The following FBXL17 variants were observed in gnomAD, a reference collection of about 807,000 sequenced individuals.
FBXL17 encodes the protein F-box/LRR-repeat protein 17.
FBXL17 carries 22 observed loss-of-function variants against 66.2 expected under a neutral mutation model. That is an observed-to-expected ratio of 0.33 (90% CI 0.24 to 0.47). The LOEUF (loss-of-function observed/expected upper bound fraction) is 0.47, where lower values mean the gene tolerates loss of function less well. Among genes scored for constraint, FBXL17 ranks in the 20% least tolerant of loss-of-function variants. The pLI, the probability that FBXL17 is intolerant of heterozygous loss-of-function variation, is 1.00. For missense variants in FBXL17, 878 were observed against 948.2 expected (o/e 0.93, Z 0.97); for synonymous variants, 474 against 400.5 (o/e 1.18, Z -2.19).
intron 4 of FBXL17, among the ~76,000 whole-genome samples, chr5:108,238,574 A>C (rs1755709275): frequency 6.6e-6 from 1 of 152,108 alleles, no homozygotes; most frequent in South Asian, 2.1e-4. Flanking sequence ...GCAGTGGTGC[A>C]ATCACAGCTC....
chr5:108,084,371 C>T (rs1274335412), intron 6 of FBXL17, among the ~76,000 whole-genome samples: 1 of 152,206 alleles, frequency 6.6e-6, no homozygotes, highest in South Asian at 2.1e-4. Flanking sequence ...ATCTACCAAT[C>T]GGTTTGCTCT....
chr5:108,023,524 G>A (rs1034221330), intron 6 of FBXL17, among the ~76,000 whole-genome samples: 6 of 152,200 alleles, frequency 3.9e-5, no homozygotes, highest in African/African-American at 9.6e-5. Flanking sequence ...CACCTATGTC[G>A]CGTTTCCCTG....
At chr5:108,176,725 T>C (rs1752807140) in intron 6 of FBXL17, among the ~76,000 whole-genome samples, 1 of 152,070 alleles carries the variant, frequency 6.6e-6, no homozygotes, top group South Asian at 2.1e-4. Context: ...AAGTAGTATT[T>C]CCTTAAAAAT....
chr5:108,322,169 A>C (rs1468486176), intron 4 of FBXL17, among the ~76,000 whole-genome samples: 1 of 151,912 alleles, frequency 6.6e-6, no homozygotes, highest in Non-Finnish European at 1.5e-5. Context: ...GGGCCTGTAC[A>C]CTCTGACTCA....
chr5:107,868,429 T>C (rs1391224452), intron 8 of FBXL17, among the ~76,000 whole-genome samples: 1 of 152,218 alleles, frequency 6.6e-6, no homozygotes, highest in Non-Finnish European at 1.5e-5. Context: ...CAGTCTGTTG[T>C]GGAGCTGTGG....
intron 7 of FBXL17, among the ~76,000 whole-genome samples, chr5:107,979,440 C>T (rs1278171744): frequency 6.6e-6 from 1 of 152,136 alleles, no homozygotes. Flanking sequence ...ATCCACCTAC[C>T]CATTAGTGCC....
intron 4 of FBXL17, among the ~76,000 whole-genome samples, chr5:108,292,100 A>T (rs920422785): frequency 6.6e-6 from 1 of 152,056 alleles, no homozygotes; most frequent in African/African-American, 2.4e-5. Flanking sequence ...ATAAAAGCCA[A>T]AATTGTTAAC....
intron 1 of FBXL17, among the ~76,000 whole-genome samples, chr5:108,372,808 G>A (rs1442098672): frequency 6.6e-6 from 1 of 152,188 alleles, no homozygotes; most frequent in East Asian, 1.9e-4. Flanking sequence ...GGATCAGACA[G>A]TGGCTTAAAA....
rs920200262 is a variant in FBXL17, at chr5:108,382,031, G to T, written c.-340C>A. The stretch of plus-strand genomic sequence containing the variant: ...TCAGTCAGTCAGCGGAGCGGCCGGG[G>T]AAAGGCCGGGTCCCGCTCGGACCAT... On this transcript the variant is annotated 5_prime_UTR_variant, in exon 1 of 9. Transcript: ENST00000542267. 1 of 1,024,140 alleles carries T rather than the reference G, an allele frequency of 9.8e-7. No individual in the cohort carries two copies. Among genetic ancestry groups the T allele is most frequent in the Non-Finnish European group, 1.2e-6 (1 of 831,156 alleles). 63.4% of individuals were successfully genotyped at this position (1,024,140 alleles called of 1,614,324 possible).
intron 7 of FBXL17, among the ~76,000 whole-genome samples, chr5:107,996,400 T>C (rs911738621): frequency 6.6e-6 from 1 of 152,174 alleles, no homozygotes; most frequent in African/African-American, 2.4e-5. Flanking sequence ...CTGCAGCCTC[T>C]GCCTCCTGGG....
intron 5 of FBXL17, among the ~76,000 whole-genome samples, chr5:108,193,821 C>T (rs1449517291): frequency 6.6e-6 from 1 of 152,110 alleles, no homozygotes; most frequent in African/African-American, 2.4e-5. Context: ...TTCTCTTTCA[C>T]CCACTGCCTT....
intron 6 of FBXL17, among the ~76,000 whole-genome samples, chr5:108,052,112 C>CAAAAAA (rs144705189): frequency 2.8e-4 from 29 of 102,152 alleles, no homozygotes; most frequent in Admixed American, 5.7e-4. Context: ...GACTTCGTCT[C>CAAAAAA]AAAAAAAAAA....
At chr5:108,246,589 T>C (rs1756107445) in intron 4 of FBXL17, among the ~76,000 whole-genome samples, 1 of 152,230 alleles carries the variant, frequency 6.6e-6, no homozygotes, top group African/African-American at 2.4e-5. Context: ...GGACTGGATT[T>C]GAATCAATCA....
intron 4 of FBXL17, among the ~76,000 whole-genome samples, chr5:108,268,169 G>C (rs1000892387): frequency 9.9e-5 from 15 of 151,920 alleles, no homozygotes; most frequent in African/African-American, 3.6e-4. Flanking sequence ...AAATTAAAGA[G>C]CTACATGATC....
At chr5:107,984,366 A>G (rs1752938573) in intron 7 of FBXL17, among the ~76,000 whole-genome samples, 1 of 152,210 alleles carries the variant, frequency 6.6e-6, no homozygotes, top group African/African-American at 2.4e-5. Flanking sequence ...GTATATTACT[A>G]TTAACAAGTG....
chr5:108,191,218 T>C (rs1753456757), intron 5 of FBXL17, among the ~76,000 whole-genome samples: 1 of 152,238 alleles, frequency 6.6e-6, no homozygotes, highest in Non-Finnish European at 1.5e-5. Flanking sequence ...ACAAAAATTT[T>C]ATCCAGCTAC....
intron 4 of FBXL17, among the ~76,000 whole-genome samples, chr5:108,325,597 C>G (rs535884436): frequency 6.6e-6 from 1 of 152,136 alleles, no homozygotes; most frequent in East Asian, 1.9e-4. Context: ...CATAGCAGGT[C>G]CCACCTCACC....
chr5:107,870,422 C>G (rs1182502594), intron 8 of FBXL17, among the ~76,000 whole-genome samples: 4 of 152,104 alleles, frequency 2.6e-5, no homozygotes, highest in Non-Finnish European at 5.9e-5. Flanking sequence ...AGCATCAAGT[C>G]TTAGATCTCT....
At chr5:107,938,724 T>C (rs1056235064) in intron 7 of FBXL17, among the ~76,000 whole-genome samples, 2 of 152,146 alleles carry the variant, frequency 1.3e-5, no homozygotes, top group African/African-American at 2.4e-5. Context: ...ACATTCTCCA[T>C]ATGTTGCCCA....
Sources: gnomAD v4.1 joint callset for allele counts (sites outside exome capture counted in the v4.1 genomes callset) on GRCh38, gnomAD v4.1.1 for gene constraint, MANE v1.5 for transcripts, NCBI Gene and HGNC (gene_info 2026-07-23, HGNC 2026-07-21) for gene names.